RYR2: variants seen among roughly 807,000 people sequenced by gnomAD.
The protein encoded by RYR2 is ryanodine receptor 2, also known as cardiac muscle ryanodine receptor-calcium release channel.
RYR2 carries 227 observed loss-of-function variants against 601.1 expected under a neutral mutation model. The ratio of observed to expected loss-of-function variants is 0.38; its 90% CI spans 0.34 to 0.42. The LOEUF (loss-of-function observed/expected upper bound fraction) is 0.42, where lower values mean the gene tolerates loss of function less well. Ranked by LOEUF, RYR2 falls within the 10% of genes least tolerant of loss-of-function variation. The pLI, the probability that RYR2 is intolerant of heterozygous loss-of-function variation, is 1.00. For synonymous variants in RYR2, 2,223 were observed against 2,175.1 expected, an observed-to-expected ratio of 1.02 and a Z score of -0.61; for missense variants, 4,646 against 6,156.5, an observed-to-expected ratio of 0.75 and a Z score of 8.21.
intron 20 of RYR2, among the ~76,000 whole-genome samples, chr1:237,497,883 A>G (rs766275161): frequency 2.0e-5 from 3 of 151,060 alleles, no homozygotes; most frequent in Non-Finnish European, 2.9e-5. Context: ...TTTTTTCGAG[A>G]CAGAGTCTTG....
intron 48 of RYR2, among the ~76,000 whole-genome samples, chr1:237,645,798 G>A (rs1188109755): frequency 6.6e-6 from 1 of 151,572 alleles, no homozygotes; most frequent in Non-Finnish European, 1.5e-5. Flanking sequence ...GTGTGTTTGT[G>A]AATTTTGTAT....
intron 34 of RYR2, 97 bp downstream of exon 34, chr1:237,595,754 C>A: frequency 1.4e-6 from 2 of 1,400,212 alleles, no homozygotes; most frequent in Non-Finnish European, 1.9e-6. Context: ...GTAAAATAGA[C>A]ACATGTACAT....
At position 237,565,133 on chromosome 1, in the gene RYR2, TTCTTTCTTTTTCTTTCTTTCTTTCTC is replaced by T. The variant is rs1671850870; in HGVS notation, c.3215-1432_3215-1407del. 1.2e-4 allele frequency among the ~76,000 whole-genome samples: 13 copies of T among 111,524 alleles called. 3 individuals are homozygous for T. The South Asian group carries it at 4.6e-3, about 39-fold the overall frequency. The allele number at this position is 111,524 out of a possible 152,430, so 73.2% of individuals were successfully genotyped here. A position where few individuals can be genotyped will look rare whatever the true frequency, so the allele number is the denominator to read the frequency against. ...TCTTTCTTTTTCTTTCTTTCTTTCT[TTCTTTCTTTTTCTTTCTTTCTTTCTC>T]TTTCTTTCTTTCTTTCTTTCTTTCT... is the stretch of plus-strand genomic sequence containing the variant. On this transcript the variant is annotated intron_variant, in intron 27 of 104. Transcript: ENST00000366574.
chr1:237,722,530 T>G (rs1573672768), intron 73 of RYR2, among the ~76,000 whole-genome samples: 1 of 151,004 alleles, frequency 6.6e-6, no homozygotes, highest in African/African-American at 2.4e-5. Flanking sequence ...GCCTCCCGGG[T>G]TCACGCTGTT....
intron 48 of RYR2, among the ~76,000 whole-genome samples, 185 bp from the exon 49 acceptor site, chr1:237,648,259 T>C (rs182957500): frequency 3.2e-4 from 49 of 152,342 alleles, no homozygotes; most frequent in Admixed American, 7.8e-4. Context: ...TAAATGACCT[T>C]GGCTTTACAT....
chr1:237,330,978 A>T lies in RYR2; in HGVS notation c.269A>T (p.Glu90Val). 1.9e-6 allele frequency: 3 copies of T among 1,613,436 alleles called. No homozygotes were observed. Among genetic ancestry groups the T allele is most frequent in the Non-Finnish European group, 2.5e-6 (3 of 1,179,398 alleles). The part of the protein sequence containing the change: ...EMLANTVEKS[E>V]GQVDVEKWKF... ...CTGGCTAACACCGTGGAGAAATCAGAAGGGGCAAGTACCCAATTTATGTAG... is the reference window on the plus strand; with the variant it reads ...CTGGCTAACACCGTGGAGAAATCAGTAGGGGCAAGTACCCAATTTATGTAG... The change falls in exon 3 of 105, where the codon GAA (glutamate) becomes GTA (valine). Residue 90 changes from glutamate to valine, a missense_variant. By Grantham distance (121) the Glu-to-Val change is moderately radical. Transcript: ENST00000366574.
At chr1:237,447,534 A>C (rs1012122890) in intron 14 of RYR2, among the ~76,000 whole-genome samples, 2 of 152,188 alleles carry the variant, frequency 1.3e-5, no homozygotes, top group African/African-American at 4.8e-5. Context: ...ACCTGTCATG[A>C]TAAAATAGGA....
intron 1 of RYR2, among the ~76,000 whole-genome samples, chr1:237,268,048 G>A (rs1401194361): frequency 6.6e-6 from 1 of 152,030 alleles, no homozygotes; most frequent in Non-Finnish European, 1.5e-5. Context: ...TCTTCTTCCG[G>A]GGCTTACTGA....
At chr1:237,723,554 C>A (rs946454313) in intron 74 of RYR2, among the ~76,000 whole-genome samples, 1 of 151,950 alleles carries the variant, frequency 6.6e-6, no homozygotes, top group African/African-American at 2.4e-5. Context: ...TTATTCTAAC[C>A]AAAAAATTCA....
chr1:237,054,531 A>G (rs1661732582), intron 1 of RYR2, among the ~76,000 whole-genome samples: 1 of 152,070 alleles, frequency 6.6e-6, no homozygotes, highest in Non-Finnish European at 1.5e-5. Context: ...GATTATAGAA[A>G]ATGCAAATTG....
chr1:237,207,425 G>C (rs1681940152), intron 1 of RYR2, among the ~76,000 whole-genome samples: 1 of 152,152 alleles, frequency 6.6e-6, no homozygotes, highest in Non-Finnish European at 1.5e-5. Flanking sequence ...AATTAGCTGG[G>C]CATGGTGGTG....
rs751389436 is a variant in RYR2 at position 237,445,387 on chromosome 1, T to G, written c.1171-14T>G. The G allele has an allele frequency of 1.1e-5, 17 of 1,612,632 alleles. No individual in the cohort carries two copies. The East Asian group carries it at 3.3e-4, about 32-fold the overall frequency. ...GACGTTGGGAGTAATGGCCTTATTT[T>G]TGCTTTCTTACAGGCTATTATGCAT... On this transcript the variant is annotated splice_polypyrimidine_tract_variant and intron_variant, in intron 13 of 104. Coordinates refer to ENST00000366574, the MANE Select transcript of RYR2 (RefSeq NM_001035.3).
At chr1:237,512,943 G>C (rs890659943) in intron 24 of RYR2, among the ~76,000 whole-genome samples, 3 of 152,144 alleles carry the variant, frequency 2.0e-5, no homozygotes, top group Non-Finnish European at 4.4e-5. Context: ...GGCGAGCAAC[G>C]GCAATTCACA....
At chr1:237,424,435 T>C (rs1705917500) in intron 12 of RYR2, among the ~76,000 whole-genome samples, 1 of 152,224 alleles carries the variant, frequency 6.6e-6, no homozygotes, top group Non-Finnish European at 1.5e-5. Flanking sequence ...AAATTCTTAG[T>C]ATTCAATCGC....
Position 237,374,731 on chromosome 1 carries a change from G to T in RYR2, c.399G>T (p.Leu133=). 1 of 1,612,666 alleles carries T rather than the reference G, an allele frequency of 6.2e-7. No individual in the cohort carries two copies. The highest frequency in any genetic ancestry group is 8.5e-7 in the Non-Finnish European group (1 of 1,179,294). Residue 133 remains leucine (L), a synonymous_variant, in exon 7 of 105, where the codon CTG becomes CTT. Coordinates refer to ENST00000366574, the MANE Select transcript of RYR2 (RefSeq NM_001035.3). ...GTACTTTGTAGTATCTGTGCTGCCTGTCCACCTCCCGGTCTTCAACTGATA... is the reference window on the plus strand; with the variant it reads ...GTACTTTGTAGTATCTGTGCTGCCTTTCCACCTCCCGGTCTTCAACTGATA... ...HSYSGMYLCC[L]STSRSSTDKL...
intron 73 of RYR2, among the ~76,000 whole-genome samples, chr1:237,722,477 A>G (rs1449772693): frequency 6.7e-6 from 1 of 148,282 alleles, no homozygotes; most frequent in Non-Finnish European, 1.5e-5. Context: ...TCTGTCGCCC[A>G]GGCTGGAGTG....
chr1:237,442,855 G>T (rs1390950088), intron 13 of RYR2, among the ~76,000 whole-genome samples: 2 of 152,090 alleles, frequency 1.3e-5, no homozygotes, highest in Non-Finnish European at 2.9e-5. Context: ...TGGCAATTTG[G>T]TATTTGTATA....
In RYR2 at chr1:237,809,091, C is replaced by A. The variant is rs1384240732; in HGVS notation, c.14433+56C>A. 48 of 1,474,332 alleles carry A rather than the reference C, an allele frequency of 3.3e-5. 1 individual carries two copies. In the South Asian group the frequency reaches 5.3e-4, roughly 16 times the overall value. The allele number at this position is 1,474,332 out of a possible 1,614,324, so 91.3% of individuals were successfully genotyped here. On this transcript the variant is annotated intron_variant, in intron 100 of 104. Coordinates refer to ENST00000366574, the MANE Select transcript of RYR2 (RefSeq NM_001035.3). ...CAAAAATGTCTCCTGCTTCTGCAGT[C>A]TAAGTAATTGTGTATTTATTCTCTA...
chr1:237,772,661 C>T (rs1349967786), intron 86 of RYR2, among the ~76,000 whole-genome samples: 1 of 151,966 alleles, frequency 6.6e-6, no homozygotes, highest in Non-Finnish European at 1.5e-5. Context: ...CAACTTTTTT[C>T]CCCTCATTTT....
Sources: gnomAD v4.1 joint callset for allele counts (sites outside exome capture counted in the v4.1 genomes callset) on GRCh38, gnomAD v4.1.1 for gene constraint, MANE v1.5 for transcripts, NCBI Gene and HGNC (gene_info 2026-07-23, HGNC 2026-07-21) for gene names.